The following FBXO25 variants were observed in gnomAD, a reference collection of about 807,000 sequenced individuals.
The protein encoded by FBXO25 is F-box only protein 25.
In FBXO25, 45 loss-of-function variants were observed where a neutral mutation model predicts 51.9. The observed-to-expected ratio is 0.87, with a 90% confidence interval of 0.68 to 1.11. FBXO25 has a LOEUF of 1.11. Among genes scored for constraint, FBXO25 ranks in the 50% most tolerant of loss-of-function variants. FBXO25 has a pLI of 0.00. For synonymous variants in FBXO25, 199 were observed against 151.0 expected, an observed-to-expected ratio of 1.32 and a Z score of -2.33; for missense variants, 507 against 428.5, an observed-to-expected ratio of 1.18 and a Z score of -1.62.
At chr8:463,285 C>G (rs1028904796) in intron 9 of FBXO25, 135 bp downstream of exon 9, 9 of 1,017,680 alleles carry the variant, frequency 8.8e-6, no homozygotes, top group Middle Eastern at 2.2e-4. Context: ...ATATATTTTA[C>G]CAAATATTGG....
At chr8:430,417 G>A (rs1797755876) in intron 2 of FBXO25, among the ~76,000 whole-genome samples, 1 of 152,048 alleles carries the variant, frequency 6.6e-6, no homozygotes, top group Non-Finnish European at 1.5e-5. Context: ...CTGACAGTGA[G>A]AAAGTGACTC....
At chr8:411,910 C>T (rs1796502745) in intron 1 of FBXO25, among the ~76,000 whole-genome samples, 1 of 152,188 alleles carries the variant, frequency 6.6e-6, no homozygotes, top group African/African-American at 2.4e-5. Context: ...TTAAAAACTA[C>T]TTAAACTTAG....
At chr8:408,878 A>C (rs1466422390) in intron 1 of FBXO25, among the ~76,000 whole-genome samples, 1 of 152,234 alleles carries the variant, frequency 6.6e-6, no homozygotes, top group Non-Finnish European at 1.5e-5. Context: ...TACAAGCTAC[A>C]CCCTTTGAGT....
chr8:471,361 CCAAA>C lies in FBXO25; in HGVS notation c.*2560_*2563del, dbSNP rs544149490. The C allele has an allele frequency of 5.3e-5, 8 of 152,246 alleles. No individual in the cohort carries two copies. The highest frequency in any genetic ancestry group is 1.2e-4 in the African/African-American group (5 of 41,508). The allele number at this position is 152,246 out of a possible 1,614,324, so 9.4% of individuals were successfully genotyped here. A position where few individuals can be genotyped will look rare whatever the true frequency, so the allele number is the denominator to read the frequency against. Reference sequence around the variant, plus strand: ...GTTATTTACAGAAGATCGGACAACACCAAACAGAGATGAGAAGAGAAATCATAGA... The same window carrying C: ...GTTATTTACAGAAGATCGGACAACACCAGAGATGAGAAGAGAAATCATAGA... On this transcript the variant is annotated 3_prime_UTR_variant, in exon 10 of 10. Coordinates refer to ENST00000350302, the MANE Select transcript of FBXO25 (RefSeq NM_183420.2).
intron 4 of FBXO25, among the ~76,000 whole-genome samples, chr8:433,521 G>A (rs966509960): frequency 7.2e-5 from 11 of 152,154 alleles, no homozygotes; most frequent in Non-Finnish European, 1.3e-4. Flanking sequence ...GGTTGGGTTT[G>A]TGCAGAGCTG....
intron 2 of FBXO25, among the ~76,000 whole-genome samples, chr8:423,728 A>G (rs1453084788): frequency 6.6e-6 from 1 of 152,132 alleles, no homozygotes; most frequent in Non-Finnish European, 1.5e-5. Context: ...TGTCTTTACT[A>G]TTGTTAATAG....
intron 7 of FBXO25, among the ~76,000 whole-genome samples, chr8:454,103 G>A (rs1425887580): frequency 6.6e-6 from 1 of 152,102 alleles, no homozygotes; most frequent in African/African-American, 2.4e-5. Flanking sequence ...CAGCGTGGGC[G>A]ACAAGAGTGA....
chr8:421,925 GAAAA>G (rs1797180196), intron 2 of FBXO25, among the ~76,000 whole-genome samples: 1 of 152,122 alleles, frequency 6.6e-6, no homozygotes, highest in Non-Finnish European at 1.5e-5. Context: ...ACCTAAAAAA[GAAAA>G]GAAATAGCCA....
At chr8:467,955 A>G (rs921647367) in intron 9 of FBXO25, 2 of 1,408,408 alleles carry the variant, frequency 1.4e-6, no homozygotes, top group Non-Finnish European at 1.9e-6. Flanking sequence ...TTGCAGAACA[A>G]CACCTGAGTG....
intron 7 of FBXO25, among the ~76,000 whole-genome samples, chr8:458,154 G>C (rs563927488): frequency 1.3e-3 from 192 of 152,348 alleles, no homozygotes; most frequent in South Asian, 5.2e-3. Context: ...GAACAGCCTG[G>C]TTCTGTCACG....
chr8:427,893 G>C (rs1206346353), intron 2 of FBXO25, among the ~76,000 whole-genome samples: 3 of 151,842 alleles, frequency 2.0e-5, no homozygotes, highest in Non-Finnish European at 4.4e-5. Context: ...ATTTGAAGAT[G>C]ATGGCCCATA....
At chr8:444,587 G>A (rs184939229) in intron 5 of FBXO25, among the ~76,000 whole-genome samples, 66 of 152,202 alleles carry the variant, frequency 4.3e-4, no homozygotes, top group African/African-American at 1.5e-3. Context: ...TCTATTTGAA[G>A]GATGTACTTT....
At chr8:414,823 G>A (rs1372651451) in intron 2 of FBXO25, among the ~76,000 whole-genome samples, 1 of 152,156 alleles carries the variant, frequency 6.6e-6, no homozygotes, top group Non-Finnish European at 1.5e-5. Context: ...GAACTAGTCA[G>A]CACCACCTTT....
chr8:463,505 C>G (rs1488562117), intron 9 of FBXO25, among the ~76,000 whole-genome samples: 1 of 152,196 alleles, frequency 6.6e-6, no homozygotes, highest in Non-Finnish European at 1.5e-5. Context: ...CATCTGAGGA[C>G]AAGTGCACCT....
rs376747518 is a variant in FBXO25, at chr8:463,095, A to G, written c.932A>G (p.Glu311Gly). 3 of 1,614,002 alleles carry G rather than the reference A, an allele frequency of 1.9e-6. No homozygotes were observed. Among genetic ancestry groups the G allele is most frequent in the Non-Finnish European group, 2.5e-6 (3 of 1,179,984 alleles). Residue 311 changes from glutamate to glycine, a missense_variant, in exon 9 of 10, where the codon GAG (glutamate) becomes GGG (glycine). Physicochemically the swap from Glu to Gly is moderately conservative, Grantham distance 98. Transcript: ENST00000350302. ...CTTCAGAAACATTACCCAGCGAAGG[A>G]GCAGTACGGAGACACACTGCATTTC... ...FALQKHYPAK[E>G]QYGDTLHFCR...
intron 2 of FBXO25, among the ~76,000 whole-genome samples, chr8:420,783 G>C (rs1797103946): frequency 3.9e-5 from 6 of 152,204 alleles, no homozygotes; most frequent in Admixed American, 2.6e-4. Flanking sequence ...TAAGAGTTGG[G>C]GAAAAGGAGT....
intron 8 of FBXO25, among the ~76,000 whole-genome samples, chr8:461,983 T>C (rs1363846715): frequency 1.3e-5 from 2 of 152,222 alleles, no homozygotes; most frequent in Admixed American, 6.5e-5. Flanking sequence ...TGTGTGTAGA[T>C]GCATGTTTTC....
chr8:436,019 A>G (rs1798084862), intron 5 of FBXO25, among the ~76,000 whole-genome samples: 1 of 152,264 alleles, frequency 6.6e-6, no homozygotes, highest in Non-Finnish European at 1.5e-5. Flanking sequence ...ATACTGTGTC[A>G]GTGATAGAAC....
At chr8:419,857 A>G (rs990103448) in intron 2 of FBXO25, among the ~76,000 whole-genome samples, 22 of 152,288 alleles carry the variant, frequency 1.4e-4, no homozygotes, top group East Asian at 1.2e-3. Context: ...ACACATTTGT[A>G]AGTCACATAT....
Sources: allele counts gnomAD v4.1 joint callset (sites outside exome capture counted in the v4.1 genomes callset), GRCh38; gene constraint gnomAD v4.1.1; transcripts MANE v1.5; gene names NCBI Gene and HGNC (gene_info 2026-07-23, HGNC 2026-07-21).